PTPRK: variants seen among roughly 807,000 people sequenced by gnomAD.
PTPRK encodes protein tyrosine phosphatase receptor type K.
A neutral mutation model predicts 178.0 loss-of-function variants in PTPRK; 75 were observed. That is an observed-to-expected ratio of 0.42 (90% CI 0.35 to 0.51). PTPRK has a LOEUF of 0.51. Among genes scored for constraint, PTPRK ranks in the 20% least tolerant of loss-of-function variants. PTPRK has a pLI of 0.02. For missense variants in PTPRK, 1,441 were observed against 1,797.8 expected, an observed-to-expected ratio of 0.80 and a Z score of 3.59; for synonymous variants, 637 against 620.6, an observed-to-expected ratio of 1.03 and a Z score of -0.39.
At chr6:128,052,993 C>T (rs574368074) in intron 13 of PTPRK, among the ~76,000 whole-genome samples, 1 of 152,178 alleles carries the variant, frequency 6.6e-6, no homozygotes, top group African/African-American at 2.4e-5. Flanking sequence ...TCATGTTGTA[C>T]TTTCCTTGTT....
At chr6:128,343,959 T>C (rs1832042829) in intron 2 of PTPRK, among the ~76,000 whole-genome samples, 1 of 152,216 alleles carries the variant, frequency 6.6e-6, no homozygotes, top group Non-Finnish European at 1.5e-5. Flanking sequence ...TCAGAACTTA[T>C]AAGTTAAGTG....
intron 7 of PTPRK, among the ~76,000 whole-genome samples, chr6:128,155,515 CTA>C (rs1349538226): frequency 6.6e-6 from 1 of 151,540 alleles, no homozygotes; most frequent in East Asian, 1.9e-4. Context: ...TGGTTTCCTA[CTA>C]TCATCCAAAG....
At chr6:127,972,923 C>T (rs1774098605) in intron 29 of PTPRK, 99 bp downstream of exon 29, 1 of 1,249,362 alleles carries the variant, frequency 8.0e-7, no homozygotes, top group Non-Finnish European at 1.1e-6. Context: ...CTCATTTTCA[C>T]ATCTGATTCC....
At chr6:128,030,901 T>C (rs957710268) in intron 13 of PTPRK, among the ~76,000 whole-genome samples, 3 of 152,188 alleles carry the variant, frequency 2.0e-5, no homozygotes, top group Non-Finnish European at 2.9e-5. Context: ...TATTGCATGA[T>C]TGAACCATAG....
intron 2 of PTPRK, among the ~76,000 whole-genome samples, chr6:128,393,428 A>G (rs1839887906): frequency 6.6e-6 from 1 of 152,178 alleles, no homozygotes; most frequent in Non-Finnish European, 1.5e-5. Flanking sequence ...AGAAGGACAT[A>G]TAAGAAATAT....
rs148408954 is a variant in PTPRK, at chr6:128,286,403, C to T, written c.495+35636G>A. On this transcript the variant is annotated intron_variant, in intron 3 of 29. Transcript: ENST00000368226. ...CACAGTGCACTGAGCTTATATTAATCTTTTTTCACATTTTTTTCTGTTTGT... is the reference window on the plus strand; with the variant it reads ...CACAGTGCACTGAGCTTATATTAATTTTTTTTCACATTTTTTTCTGTTTGT... Among the ~76,000 whole-genome samples the T allele has an allele frequency of 4.1e-3, 623 of 152,128 alleles. 2 individuals are homozygous for T. Among genetic ancestry groups the T allele is most frequent in the African/African-American group, 0.014 (597 of 41,512 alleles).
At chr6:128,045,992 A>AT (rs954437518) in intron 13 of PTPRK, among the ~76,000 whole-genome samples, 1 of 152,144 alleles carries the variant, frequency 6.6e-6, no homozygotes, top group South Asian at 2.1e-4. Flanking sequence ...TTAGCTGTTA[A>AT]TTTTTTAGTA....
intron 14 of PTPRK, among the ~76,000 whole-genome samples, chr6:128,008,861 C>T (rs775500888): frequency 6.6e-5 from 10 of 150,988 alleles, no homozygotes; most frequent in Non-Finnish European, 1.2e-4. Context: ...ATCTCAAGTA[C>T]CTTTGCATTT....
At chr6:128,238,509 C>T (rs1813769093) in intron 5 of PTPRK, among the ~76,000 whole-genome samples, 1 of 152,076 alleles carries the variant, frequency 6.6e-6, no homozygotes, top group Non-Finnish European at 1.5e-5. Context: ...AAGGGCAGAC[C>T]TACAGAGCCT....
At chr6:128,126,090 T>G (rs2114429703) in intron 7 of PTPRK, among the ~76,000 whole-genome samples, 2 of 152,136 alleles carry the variant, frequency 1.3e-5, no homozygotes, top group South Asian at 2.1e-4. Flanking sequence ...GGGATACATG[T>G]GCAGAACATG....
At chr6:128,208,794 T>C (rs1190661067) in intron 6 of PTPRK, among the ~76,000 whole-genome samples, 2 of 152,190 alleles carry the variant, frequency 1.3e-5, no homozygotes, top group Non-Finnish European at 1.5e-5. Flanking sequence ...CTTTACTTAA[T>C]GCCCTATGAT....
chr6:128,195,029 C>T (rs1804616332), intron 6 of PTPRK, among the ~76,000 whole-genome samples: 1 of 150,346 alleles, frequency 6.7e-6, no homozygotes, highest in Non-Finnish European at 1.5e-5. Flanking sequence ...TACATATATG[C>T]AGACACATAC....
intron 1 of PTPRK, among the ~76,000 whole-genome samples, chr6:128,471,683 C>A (rs1436712127): frequency 6.8e-6 from 1 of 147,668 alleles, no homozygotes; most frequent in South Asian, 2.1e-4. Flanking sequence ...GTGAAATGGA[C>A]CAGGCAAATG....
chr6:128,136,897 C>G (rs1420128492), intron 7 of PTPRK, among the ~76,000 whole-genome samples: 1 of 152,186 alleles, frequency 6.6e-6, no homozygotes, highest in Non-Finnish European at 1.5e-5. Context: ...ACCCCAGAAT[C>G]TATCCTCTAG....
At chr6:128,325,478 G>GA (rs1279288040) in intron 2 of PTPRK, among the ~76,000 whole-genome samples, 1 of 151,512 alleles carries the variant, frequency 6.6e-6, no homozygotes, top group African/African-American at 2.4e-5. Flanking sequence ...AAATTTACAA[G>GA]AAAAAAACAA....
chr6:128,171,380 C>T (rs950891585), intron 7 of PTPRK, among the ~76,000 whole-genome samples: 17 of 151,938 alleles, frequency 1.1e-4, no homozygotes, highest in African/African-American at 2.9e-4. Flanking sequence ...GGGGATAATG[C>T]GAGCACCTTA....
Position 128,082,724 on chromosome 6 carries a change from AG to A in PTPRK, c.1576-87del, listed in dbSNP as rs1328211402. ...CTCTGTATAAATAAGGTAGTATGCA[AG>A]GGCATCCATGTGGAGTCAATGGTAA... On this transcript the variant is annotated intron_variant, in intron 9 of 29. Coordinates refer to ENST00000368226, the MANE Select transcript of PTPRK (RefSeq NM_002844.4). The A allele has an allele frequency of 1.4e-5, 14 of 998,684 alleles. No homozygotes were observed. The Middle Eastern group carries it at 9.8e-4, about 70-fold the overall frequency. The allele number at this position is 998,684 out of a possible 1,614,324, so 61.9% of individuals were successfully genotyped here.
intron 6 of PTPRK, among the ~76,000 whole-genome samples, chr6:128,197,504 A>T (rs909641354): frequency 1.3e-5 from 2 of 152,050 alleles, no homozygotes; most frequent in African/African-American, 4.8e-5. Context: ...GATATTTTGA[A>T]ATCTACTTTC....
At chr6:128,187,843 G>A (rs1243095339) in intron 6 of PTPRK, among the ~76,000 whole-genome samples, 1 of 152,054 alleles carries the variant, frequency 6.6e-6, no homozygotes, top group African/African-American at 2.4e-5. Context: ...CATTAATGAG[G>A]CTAATATACC....
Sources: gnomAD v4.1 joint callset for allele counts (sites outside exome capture counted in the v4.1 genomes callset) on GRCh38, gnomAD v4.1.1 for gene constraint, MANE v1.5 for transcripts, NCBI Gene and HGNC (gene_info 2026-07-23, HGNC 2026-07-21) for gene names.